Variants in ASCC3 observed in about 807,000 individuals in gnomAD.
ASCC3 encodes ASC-1 complex subunit P200.
A neutral mutation model predicts 256.3 loss-of-function variants in ASCC3; 158 were observed. The ratio of observed to expected loss-of-function variants is 0.62; its 90% CI spans 0.54 to 0.70. ASCC3 has a LOEUF of 0.70. ASCC3 is among the 30% of genes least tolerant of loss of function. The pLI is 0.00. For missense variants in ASCC3, 2,259 were observed against 2,626.0 expected (o/e 0.86, Z 3.05); for synonymous variants, 948 against 883.4 (o/e 1.07, Z -1.30).
At chr6:100,603,879 G>A (rs116740882) in intron 33 of ASCC3, among the ~76,000 whole-genome samples, 4,601 of 152,076 alleles carry the variant, frequency 0.03, 75 homozygotes, top group African/African-American at 0.055. Context: ...AATGAGAGAC[G>A]TTTGTTATAT....
intron 25 of ASCC3, among the ~76,000 whole-genome samples, chr6:100,632,182 T>TAAAAAAAAAAAAAAAAAAAA (rs35229827): frequency 9.8e-6 from 1 of 102,008 alleles, no homozygotes; most frequent in Non-Finnish European, 2.0e-5. Context: ...GCAAACTATC[T>TAAAAAAAAAAAAAAAAAAAA]AAAAAAAAAA....
At chr6:100,526,414 T>C in intron 37 of ASCC3, among the ~76,000 whole-genome samples, 1 of 152,112 alleles carries the variant, frequency 6.6e-6, no homozygotes, top group Non-Finnish European at 1.5e-5. Flanking sequence ...CATAATAGCA[T>C]CATATCATCA....
In ASCC3 at chr6:100,715,552, TA is replaced by T. The variant is rs1291595579; in HGVS notation, c.2080-20del. 21 of 1,594,508 alleles carry T rather than the reference TA, an allele frequency of 1.3e-5. No individual in the cohort carries two copies. The highest frequency in any genetic ancestry group is 1.6e-5 in the Non-Finnish European group (19 of 1,165,570). On this transcript the variant is annotated intron_variant, in intron 12 of 41. Transcript: ENST00000369162. ...GCTGCATCTTGAAGATTTTAAAACA[TA>T]AAAAAAATCATGTGAAACAATTATA...
rs182929846 is a variant in ASCC3 at position 100,828,345 on chromosome 6, T to C, written c.801+19803A>G. Among the ~76,000 whole-genome samples the C allele has an allele frequency of 4.9e-3, 745 of 152,308 alleles. 9 individuals carry two copies. The highest frequency in any genetic ancestry group is 0.017 in the African/African-American group (721 of 41,578). On this transcript the variant is annotated intron_variant, in intron 4 of 41. Transcript: ENST00000369162. ...GGATAAAAAAAGTACAAGGTATCTA[T>C]TGTAGTAGTTCCCCTTTATCCGCGG...
chr6:100,511,072 ATTTTTATTATTACTATTATTAGTT>A (rs1199171462), intron 40 of ASCC3, among the ~76,000 whole-genome samples: 3 of 152,140 alleles, frequency 2.0e-5, no homozygotes, highest in Non-Finnish European at 4.4e-5. Flanking sequence ...GATTGTTGCT[ATTTTTATTATTACTATTATTAGTT>A]TGTAATTATT....
chr6:100,723,416 T>A lies in ASCC3; in HGVS notation c.1902+2123A>T, dbSNP rs188659573. On this transcript the variant is annotated intron_variant, in intron 11 of 41. Coordinates refer to ENST00000369162, the MANE Select transcript of ASCC3 (RefSeq NM_006828.4). ...GCATAGAACAACAAGATTATTTTTT[T>A]AAAAAAAACTCTCCTATGTTTTCTT... is the stretch of plus-strand genomic sequence containing the variant. Among the ~76,000 whole-genome samples, 452 of 151,598 alleles carry A rather than the reference T, an allele frequency of 3.0e-3. 2 individuals carry two copies. Among genetic ancestry groups the A allele is most frequent in the African/African-American group, 8.3e-3 (345 of 41,430 alleles).
intron 10 of ASCC3, among the ~76,000 whole-genome samples, chr6:100,733,576 C>T (rs1246790661): frequency 6.6e-6 from 1 of 152,104 alleles, no homozygotes. Context: ...TTCCAGCCAC[C>T]AGAATTATGA....
chr6:100,686,043 G>A (rs1777551709), intron 13 of ASCC3, among the ~76,000 whole-genome samples: 1 of 152,174 alleles, frequency 6.6e-6, no homozygotes, highest in South Asian at 2.1e-4. Flanking sequence ...TACTCAATGT[G>A]TCTTAAGTAA....
intron 36 of ASCC3, among the ~76,000 whole-genome samples, chr6:100,577,601 G>T (rs1335379707): frequency 6.6e-6 from 1 of 151,956 alleles, no homozygotes; most frequent in Non-Finnish European, 1.5e-5. Context: ...TTGATAATGG[G>T]CAACACCTGC....
intron 10 of ASCC3, among the ~76,000 whole-genome samples, chr6:100,739,164 T>C (rs1780313509): frequency 6.6e-6 from 1 of 152,230 alleles, no homozygotes; most frequent in African/African-American, 2.4e-5. Context: ...ATGTTGAATT[T>C]TTATCAAAGG....
At chr6:100,774,600 C>T (rs962388571) in intron 8 of ASCC3, among the ~76,000 whole-genome samples, 1 of 152,058 alleles carries the variant, frequency 6.6e-6, no homozygotes, top group Admixed American at 6.5e-5. Context: ...TTTCTGACCT[C>T]GTGATCCACC....
intron 30 of ASCC3, among the ~76,000 whole-genome samples, chr6:100,617,097 T>A (rs1054398430): frequency 2.0e-5 from 3 of 152,002 alleles, no homozygotes; most frequent in African/African-American, 7.2e-5. Context: ...CTCTGCCTCC[T>A]GGGTTCAAAC....
chr6:100,525,011 G>C (rs997312161), intron 37 of ASCC3, among the ~76,000 whole-genome samples: 1 of 151,382 alleles, frequency 6.6e-6, no homozygotes, highest in African/African-American at 2.4e-5. Context: ...GGGAAACAGT[G>C]AGATCCCATT....
intron 1 of ASCC3, among the ~76,000 whole-genome samples, chr6:100,875,289 T>A (rs543169703): frequency 1.4e-4 from 22 of 152,264 alleles, no homozygotes; most frequent in Admixed American, 3.9e-4. Flanking sequence ...ATTTCTGGCT[T>A]AGGAAATGTT....
At chr6:100,759,598 C>T (rs969529724) in intron 10 of ASCC3, among the ~76,000 whole-genome samples, 2 of 151,982 alleles carry the variant, frequency 1.3e-5, no homozygotes, top group African/African-American at 4.8e-5. Context: ...ATGATGCCTC[C>T]AGCTTTGTTC....
chr6:100,582,641 G>A (rs1771358944), intron 36 of ASCC3, among the ~76,000 whole-genome samples: 1 of 151,988 alleles, frequency 6.6e-6, no homozygotes, highest in Non-Finnish European at 1.5e-5. Context: ...GGAGTGGTGA[G>A]AGAGGGCATC....
intron 14 of ASCC3, among the ~76,000 whole-genome samples, chr6:100,663,926 A>G (rs1776349422): frequency 1.3e-5 from 2 of 152,062 alleles, no homozygotes; most frequent in Non-Finnish European, 2.9e-5. Context: ...TACCCCATGG[A>G]TAAGGGGGGA....
chr6:100,781,879 AT>A (rs1274731038), intron 8 of ASCC3, among the ~76,000 whole-genome samples: 5 of 151,930 alleles, frequency 3.3e-5, no homozygotes, highest in African/African-American at 1.2e-4. Context: ...TTTTCTACTT[AT>A]CCCTAAGAAA....
Position 100,867,851 on chromosome 6 carries a change from T to A in ASCC3, c.90+57A>T, listed in dbSNP as rs1448685902. On this transcript the variant is annotated intron_variant, in intron 2 of 41. Coordinates refer to ENST00000369162, the MANE Select transcript of ASCC3 (RefSeq NM_006828.4). The stretch of plus-strand genomic sequence containing the variant: ...AATGGAGAAAAAGAATGTCAAATAG[T>A]TGTCCATAGTCTGTGTTTATAATAA... 7 of 1,377,052 alleles carry A rather than the reference T, an allele frequency of 5.1e-6. No homozygotes were observed. The Admixed American group carries it at 1.1e-4, about 21-fold the overall frequency. The allele number at this position is 1,377,052 out of a possible 1,614,324, so 85.3% of individuals were successfully genotyped here. A position where few individuals can be genotyped will look rare whatever the true frequency, so the allele number is the denominator to read the frequency against.
Sources: allele counts gnomAD v4.1 joint callset (sites outside exome capture counted in the v4.1 genomes callset), GRCh38; gene constraint gnomAD v4.1.1; transcripts MANE v1.5; gene names NCBI Gene and HGNC (gene_info 2026-07-23, HGNC 2026-07-21).